SYNPR: variants seen among roughly 807,000 people sequenced by gnomAD.
SYNPR encodes the protein synaptoporin.
Under a neutral mutation model 32.9 loss-of-function variants are expected in SYNPR, and 23 were observed. That is an observed-to-expected ratio of 0.70 (90% CI 0.50 to 0.99). SYNPR has a LOEUF of 0.99. Ranked by LOEUF, SYNPR falls within the 50% of genes least tolerant of loss-of-function variation. The pLI is 0.00. For missense variants in SYNPR, 318 were observed against 349.3 expected (o/e 0.91, Z 0.71); for synonymous variants, 146 against 135.9 (o/e 1.07, Z -0.52).
intron 2 of SYNPR, among the ~76,000 whole-genome samples, chr3:63,265,865 T>C (rs2086481692): frequency 6.6e-6 from 1 of 152,174 alleles, no homozygotes; most frequent in Admixed American, 6.5e-5. Flanking sequence ...GATTTTTCAT[T>C]TGTTTTAAGA....
At chr3:63,578,157 C>A (rs1703024588) in intron 4 of SYNPR, among the ~76,000 whole-genome samples, 1 of 152,202 alleles carries the variant, frequency 6.6e-6, no homozygotes, top group Non-Finnish European at 1.5e-5. Flanking sequence ...GGAATCACCA[C>A]CTCCTGTCTT....
chr3:63,404,401 A>G (rs1345533717), intron 2 of SYNPR, among the ~76,000 whole-genome samples: 2 of 152,200 alleles, frequency 1.3e-5, no homozygotes, highest in African/African-American at 4.8e-5. Flanking sequence ...TGAATTATGT[A>G]GTATATATGA....
intron 2 of SYNPR, among the ~76,000 whole-genome samples, chr3:63,261,208 A>G (rs1240558635): frequency 2.0e-5 from 3 of 152,168 alleles, no homozygotes; most frequent in East Asian, 1.9e-4. Flanking sequence ...CAGCCATCCC[A>G]TTACTGGGTA....
At chr3:63,530,229 G>A (rs1288503373) in intron 3 of SYNPR, among the ~76,000 whole-genome samples, 1 of 152,102 alleles carries the variant, frequency 6.6e-6, no homozygotes, top group Non-Finnish European at 1.5e-5. Context: ...TTTTTCACTG[G>A]GCCCAGCAAA....
rs1702260482 is a variant in SYNPR at position 63,539,333 on chromosome 3, G to A, written c.210-17210G>A. 1.3e-5 allele frequency among the ~76,000 whole-genome samples: 2 copies of A among 152,044 alleles called. 1 individual carries two copies. Among genetic ancestry groups the A allele is most frequent in the South Asian group, 4.1e-4 (2 of 4,820 alleles). On this transcript the variant is annotated intron_variant, in intron 3 of 5. Transcript: ENST00000478300. ...TGCATTTTCACAAGTTTTAATTCCTGGGCTCGAGTTTCTAAAGGAAGTTCA... is the reference window on the plus strand; with the variant it reads ...TGCATTTTCACAAGTTTTAATTCCTAGGCTCGAGTTTCTAAAGGAAGTTCA...
intron 2 of SYNPR, among the ~76,000 whole-genome samples, chr3:63,435,510 A>G (rs1237460868): frequency 6.6e-6 from 1 of 152,212 alleles, no homozygotes; most frequent in African/African-American, 2.4e-5. Flanking sequence ...ATGTTCAGAA[A>G]CCTGGGATAC....
intron 2 of SYNPR, among the ~76,000 whole-genome samples, chr3:63,366,064 A>C (rs1269888766): frequency 6.6e-6 from 1 of 152,222 alleles, no homozygotes; most frequent in East Asian, 1.9e-4. Flanking sequence ...TTTAGTAATT[A>C]TATCAATAAA....
chr3:63,259,674 T>C, intron 2 of SYNPR, among the ~76,000 whole-genome samples: 1 of 152,234 alleles, frequency 6.6e-6, no homozygotes, highest in East Asian at 1.9e-4. Context: ...AAGACAGGGA[T>C]GCCCTCTCTC....
intron 2 of SYNPR, among the ~76,000 whole-genome samples, chr3:63,389,311 T>C (rs2088099510): frequency 6.6e-6 from 1 of 151,912 alleles, no homozygotes; most frequent in Non-Finnish European, 1.5e-5. Flanking sequence ...TGCAAAAAAG[T>C]GGGGAAAGAA....
intron 2 of SYNPR, chr3:63,443,508 G>T (rs1364958189): frequency 6.3e-7 from 1 of 1,594,680 alleles, no homozygotes; most frequent in Admixed American, 1.7e-5. Context: ...CTGGCTGTGG[G>T]GATATGTGTG....
At chr3:63,481,615 C>T (rs1575667574) in intron 3 of SYNPR, among the ~76,000 whole-genome samples, 1 of 152,090 alleles carries the variant, frequency 6.6e-6, no homozygotes, top group African/African-American at 2.4e-5. Context: ...AAATACCTTG[C>T]TCAAGTAGAT....
rs1205026321 is a variant in SYNPR at position 63,615,615 on chromosome 3, T to C, written c.*134T>C. 5.7e-6 allele frequency: 7 copies of C among 1,228,072 alleles called. No individual in the cohort carries two copies. Among genetic ancestry groups the C allele is most frequent in the Non-Finnish European group, 7.8e-6 (7 of 900,352 alleles). 76.1% of individuals were successfully genotyped at this position (1,228,072 alleles called of 1,614,324 possible). A position where few individuals can be genotyped will look rare whatever the true frequency, so the allele number is the denominator to read the frequency against. The stretch of plus-strand genomic sequence containing the variant: ...TAAATCAGAGCTCTCTAGTCTTCAT[T>C]AAGGCAGCAAGTCCTGGGTTGTGAA... On this transcript the variant is annotated 3_prime_UTR_variant, in exon 6 of 6. Transcript: ENST00000478300.
intron 2 of SYNPR, among the ~76,000 whole-genome samples, chr3:63,434,807 GTA>G (rs1330136952): frequency 1.3e-5 from 2 of 152,172 alleles, no homozygotes; most frequent in Non-Finnish European, 2.9e-5. Flanking sequence ...ACAAACAGAT[GTA>G]TCTCTGCTAT....
At chr3:63,211,955 C>T in the SYNPR span, among the ~76,000 whole-genome samples, 1 of 77,558 alleles carries the variant, frequency 1.3e-5, no homozygotes, top group East Asian at 2.6e-4. Context: ...TGAGAATATG[C>T]GGTGTTTGGT....
intron 1 of SYNPR, among the ~76,000 whole-genome samples, chr3:63,239,547 C>T (rs1244450648): frequency 6.9e-6 from 1 of 144,290 alleles, no homozygotes; most frequent in Non-Finnish European, 1.5e-5. Flanking sequence ...CCCATCCTAC[C>T]ATTGTCACCA....
chr3:63,543,470 T>C (rs1424123757), intron 3 of SYNPR, among the ~76,000 whole-genome samples: 1 of 152,164 alleles, frequency 6.6e-6, no homozygotes, highest in East Asian at 1.9e-4. Flanking sequence ...AGAGGAAAAT[T>C]ATCAGTAGAA....
intron 1 of SYNPR, among the ~76,000 whole-genome samples, chr3:63,241,083 C>CA (rs1175310228): frequency 1.2e-4 from 18 of 152,126 alleles, no homozygotes; most frequent in African/African-American, 4.1e-4. Context: ...AGAAGGTACC[C>CA]ACTATCAGGA....
chr3:63,608,975 A>G, intron 4 of SYNPR, 150 bp from the exon 5 acceptor site: 1 of 528,976 alleles, frequency 1.9e-6, no homozygotes, highest in Non-Finnish European at 3.1e-6. Context: ...GCTTTCTTTT[A>G]TTTGTTTTTC....
At chr3:63,202,710 A>T in the SYNPR span, among the ~76,000 whole-genome samples, 2 of 152,166 alleles carry the variant, frequency 1.3e-5, no homozygotes, top group African/African-American at 4.8e-5. Flanking sequence ...TCATAATCAA[A>T]CACATTTGAG....
Sources: allele counts gnomAD v4.1 joint callset (sites outside exome capture counted in the v4.1 genomes callset), GRCh38; gene constraint gnomAD v4.1.1; transcripts MANE v1.5; gene names NCBI Gene and HGNC (gene_info 2026-07-23, HGNC 2026-07-21).